Variants in GPR107 observed in about 807,000 individuals in gnomAD.
The protein encoded by GPR107 is protein GPR107.
Under a neutral mutation model 75.5 loss-of-function variants are expected in GPR107, and 31 were observed. The ratio of observed to expected loss-of-function variants is 0.41; its 90% confidence interval spans 0.31 to 0.55. The LOEUF (loss-of-function observed/expected upper bound fraction) is 0.55. Ranked by LOEUF, GPR107 falls within the 20% of genes least tolerant of loss-of-function variation. The pLI, the probability that GPR107 is intolerant of heterozygous loss-of-function variation, is 0.26. For synonymous variants in GPR107, 267 were observed against 251.3 expected (o/e 1.06, Z -0.59); for missense variants, 572 against 665.7 (o/e 0.86, Z 1.55).
intron 1 of GPR107, among the ~76,000 whole-genome samples, chr9:130,067,864 C>T (rs554978465): frequency 6.6e-6 from 1 of 150,752 alleles, no homozygotes; most frequent in Non-Finnish European, 1.5e-5. Flanking sequence ...CCTGCCCCAG[C>T]CTCCCAAGCA....
intron 3 of GPR107, 69 bp downstream of exon 3, chr9:130,076,531 A>C: frequency 2.1e-6 from 2 of 949,134 alleles, no homozygotes; most frequent in South Asian, 2.7e-5. Flanking sequence ...GGAACACCCT[A>C]CTTCTTGCAG....
At chr9:130,054,849 G>T (rs1829708786) in intron 1 of GPR107, among the ~76,000 whole-genome samples, 1 of 152,174 alleles carries the variant, frequency 6.6e-6, no homozygotes, top group African/African-American at 2.4e-5. Context: ...GGCCTATGCA[G>T]GAGGATTGTT....
chr9:130,111,405 G>A lies in GPR107; in HGVS notation c.1306+3866G>A, dbSNP rs149115475. Among the ~76,000 whole-genome samples the A allele has an allele frequency of 5.3e-3, 804 of 152,052 alleles. 7 individuals carry two copies. Among genetic ancestry groups the A allele is most frequent in the African/African-American group, 0.018 (763 of 41,520 alleles). On this transcript the variant is annotated intron_variant, in intron 14 of 17. Coordinates refer to ENST00000347136, the MANE Select transcript of GPR107 (RefSeq NM_020960.5). ...AAATTATCGGGGCTTGATGGCACAC[G>A]CCTGTAGTCCCAGCTACTTGGGAGG...
chr9:130,084,486 A>G (rs530338567), intron 6 of GPR107, among the ~76,000 whole-genome samples: 18 of 149,660 alleles, frequency 1.2e-4, no homozygotes, highest in South Asian at 2.1e-4. Flanking sequence ...TCAAAGGACA[A>G]TTGATTCCTG....
At chr9:130,098,230 G>A (rs79332033) in intron 9 of GPR107, among the ~76,000 whole-genome samples, 3,342 of 152,260 alleles carry the variant, frequency 0.022, 53 homozygotes, top group Middle Eastern at 0.034. Flanking sequence ...AAGGGGAGGT[G>A]GGAAGGAGTA....
In GPR107 at chr9:130,087,961, A is replaced by G. The variant is rs1307492223; in HGVS notation, c.621+1485A>G. On this transcript the variant is annotated intron_variant, in intron 7 of 17. Transcript: ENST00000347136. ...TCTGCGAAAGCCCCTCTATCCCCAT[A>G]AGCACTGTTCTGATTTCTTTTTCCA... Among the ~76,000 whole-genome samples, 6 of 152,110 alleles carry G rather than the reference A, an allele frequency of 3.9e-5. No individual in the cohort carries two copies. The East Asian group carries it at 1.2e-3, about 29-fold the overall frequency.
chr9:130,121,404 A>C (rs1032409139), intron 14 of GPR107, among the ~76,000 whole-genome samples: 2 of 152,238 alleles, frequency 1.3e-5, no homozygotes, highest in African/African-American at 4.8e-5. Flanking sequence ...GTTGGGCCGC[A>C]TTCAAAGCTG....
intron 14 of GPR107, chr9:130,110,237 A>G (rs1047724036): frequency 1.5e-6 from 1 of 649,476 alleles, no homozygotes; most frequent in Non-Finnish European, 2.8e-6. Context: ...TCTGGAGTAG[A>G]TGGCACAGCA....
chr9:130,093,701 C>T (rs1046237331), intron 9 of GPR107, among the ~76,000 whole-genome samples: 3 of 152,110 alleles, frequency 2.0e-5, no homozygotes, highest in African/African-American at 7.2e-5. Flanking sequence ...ATCCTATGGG[C>T]GAGGTGTGGT....
At chr9:130,079,186 T>C (rs1005144913) in intron 4 of GPR107, among the ~76,000 whole-genome samples, 2 of 152,120 alleles carry the variant, frequency 1.3e-5, no homozygotes, top group African/African-American at 4.8e-5. Context: ...TGTTCCTGAA[T>C]TCCTGACCTC....
chr9:130,079,886 G>A, intron 5 of GPR107, 117 bp downstream of exon 5: 1 of 567,528 alleles, frequency 1.8e-6, no homozygotes, highest in Non-Finnish European at 2.8e-6. Context: ...ATTATATTTT[G>A]GAAGTTACAC....
chr9:130,102,689 C>T (rs1236956525), intron 12 of GPR107, among the ~76,000 whole-genome samples: 1 of 152,090 alleles, frequency 6.6e-6, no homozygotes, highest in Non-Finnish European at 1.5e-5. Context: ...ACTCTTGGCA[C>T]GTTGTTCAAC....
chr9:130,118,335 G>A (rs941934514), intron 14 of GPR107, among the ~76,000 whole-genome samples: 4 of 152,178 alleles, frequency 2.6e-5, no homozygotes, highest in Non-Finnish European at 5.9e-5. Flanking sequence ...GGGATAATCT[G>A]TCTCCTTGCT....
rs781646650 is a variant in GPR107, at chr9:130,104,429, A to T, written c.1141A>T (p.Asn381Tyr). The change falls in exon 13 of 18, where the codon AAT (asparagine) becomes TAT (tyrosine). Residue 381 changes from asparagine to tyrosine, a missense_variant. Asn to Tyr is a moderately radical substitution (Grantham distance 143, BLOSUM62 -2). Coordinates refer to ENST00000347136, the MANE Select transcript of GPR107 (RefSeq NM_020960.5). ...MIVIPLQVLA[N>Y]VAYIIIESTE... ...CTTCTCATGTCTGTAGGTCCTGGCAAATGTAGCCTACATCATCATAGAGTC... is the reference window on the plus strand; with the variant it reads ...CTTCTCATGTCTGTAGGTCCTGGCATATGTAGCCTACATCATCATAGAGTC... 2 of 1,613,790 alleles carry T rather than the reference A, an allele frequency of 1.2e-6. No individual in the cohort carries two copies. The highest frequency in any genetic ancestry group is 1.7e-5 in the Admixed American group (1 of 60,020).
chr9:130,066,964 C>T (rs1401447733), intron 1 of GPR107, among the ~76,000 whole-genome samples: 2 of 150,164 alleles, frequency 1.3e-5, no homozygotes, highest in Non-Finnish European at 3.0e-5. Flanking sequence ...CCAGCCTGGG[C>T]GACAGAGCGA....
At chr9:130,063,662 T>C (rs1440551373) in intron 1 of GPR107, among the ~76,000 whole-genome samples, 2 of 152,090 alleles carry the variant, frequency 1.3e-5, no homozygotes, top group African/African-American at 4.8e-5. Flanking sequence ...AATACCAGTG[T>C]AGTATAATAA....
chr9:130,085,754 A>ATTGTTTTTTTTTTTTTTT (rs1830598289), intron 6 of GPR107, among the ~76,000 whole-genome samples: 1 of 78,674 alleles, frequency 1.3e-5, no homozygotes, highest in Non-Finnish European at 2.4e-5. Context: ...CAATATTTTG[A>ATTGTTTTTTTTTTTTTTT]TTTTTTTTTT....
intron 1 of GPR107, among the ~76,000 whole-genome samples, chr9:130,074,996 A>T (rs10739772): frequency 1.9e-4 from 29 of 150,582 alleles, no homozygotes; most frequent in Non-Finnish European, 3.7e-4. Context: ...CCTGCCCTGG[A>T]ATTCACATTT....
chr9:130,100,832 G>C (rs907652589), intron 11 of GPR107, 130 bp downstream of exon 11: 4 of 713,426 alleles, frequency 5.6e-6, no homozygotes, highest in Non-Finnish European at 7.5e-6. Context: ...TGCCATACCA[G>C]AGGAGTGTAG....
Sources: gnomAD v4.1 joint callset for allele counts (sites outside exome capture counted in the v4.1 genomes callset) on GRCh38, gnomAD v4.1.1 for gene constraint, MANE v1.5 for transcripts, NCBI Gene and HGNC (gene_info 2026-07-23, HGNC 2026-07-21) for gene names.